IGSF11: variants seen among roughly 807,000 people sequenced by gnomAD.
IGSF11 encodes the protein immunoglobulin superfamily member 11, also known as CXADR like 1.
Under a neutral mutation model 41.0 loss-of-function variants are expected in IGSF11, and 22 were observed. The observed-to-expected ratio is 0.54, with a 90% confidence interval of 0.38 to 0.77. The LOEUF (loss-of-function observed/expected upper bound fraction) is 0.77. Among genes scored for constraint, IGSF11 ranks in the 30% least tolerant of loss-of-function variants. The probability of loss-of-function intolerance (pLI) is 0.00; values close to 1 mark genes in which losing one functional copy is unlikely to be tolerated. For synonymous variants in IGSF11, 219 were observed against 201.3 expected, an observed-to-expected ratio of 1.09 and a Z score of -0.74; for missense variants, 444 against 530.8, an observed-to-expected ratio of 0.84 and a Z score of 1.61.
chr3:119,067,997 T>C (rs1449932353), intron 1 of IGSF11, among the ~76,000 whole-genome samples: 7 of 152,366 alleles, frequency 4.6e-5, no homozygotes, highest in Admixed American at 2.0e-4. Context: ...ATATCCCTAG[T>C]AGATTCTAAT....
intron 1 of IGSF11, among the ~76,000 whole-genome samples, chr3:119,007,026 A>G: frequency 7.1e-6 from 1 of 140,616 alleles, no homozygotes; most frequent in African/African-American, 2.8e-5. Context: ...TGTTTACCTA[A>G]GCAAGCCTGG....
At chr3:118,941,730 A>G (rs1401744039) in intron 1 of IGSF11, among the ~76,000 whole-genome samples, 2 of 152,232 alleles carry the variant, frequency 1.3e-5, no homozygotes, top group East Asian at 1.9e-4. Flanking sequence ...ATGCCCATCA[A>G]CTTGCAAATG....
intron 1 of IGSF11, among the ~76,000 whole-genome samples, chr3:119,015,726 T>C (rs1938607354): frequency 6.6e-6 from 1 of 151,386 alleles, no homozygotes; most frequent in Non-Finnish European, 1.5e-5. Flanking sequence ...TAGATAAATA[T>C]TTACCAAATA....
intron 1 of IGSF11, among the ~76,000 whole-genome samples, chr3:119,103,284 G>A (rs1188823709): frequency 1.3e-5 from 2 of 152,046 alleles, no homozygotes; most frequent in African/African-American, 2.4e-5. Flanking sequence ...GGCGTGAGCC[G>A]CCGCGCCCGG....
chr3:118,932,028 T>C (rs7629089), intron 1 of IGSF11, among the ~76,000 whole-genome samples: 21,816 of 152,176 alleles, frequency 0.14, 2,245 homozygotes, highest in African/African-American at 0.27. Context: ...CCACCGCACC[T>C]GGCCAAAAGT....
intron 1 of IGSF11, among the ~76,000 whole-genome samples, chr3:118,937,818 T>C (rs543449802): frequency 3.7e-4 from 56 of 152,212 alleles, no homozygotes; most frequent in African/African-American, 1.3e-3. Context: ...GGCTGTAATA[T>C]GTAATTGTAT....
intron 1 of IGSF11, among the ~76,000 whole-genome samples, chr3:119,050,796 C>T (rs1049489619): frequency 6.6e-6 from 1 of 151,746 alleles, no homozygotes; most frequent in Non-Finnish European, 1.5e-5. Context: ...CACATATACA[C>T]CATGGAATAC....
At chr3:118,966,825 G>A (rs1023803923) in intron 1 of IGSF11, among the ~76,000 whole-genome samples, 43 of 152,064 alleles carry the variant, frequency 2.8e-4, no homozygotes, top group African/African-American at 8.9e-4. Flanking sequence ...GAATGTCCAC[G>A]TAGCTTAGCC....
intron 1 of IGSF11, among the ~76,000 whole-genome samples, chr3:119,075,946 T>C (rs1237944506): frequency 6.6e-6 from 1 of 152,162 alleles, no homozygotes; most frequent in African/African-American, 2.4e-5. Flanking sequence ...AGAGCCCTCA[T>C]TGACAAGTCA....
intron 1 of IGSF11, among the ~76,000 whole-genome samples, chr3:119,091,383 G>A (rs556374781): frequency 6.6e-6 from 1 of 152,242 alleles, no homozygotes; most frequent in South Asian, 2.1e-4. Context: ...AGATACTTCT[G>A]CCAAAAAGAC....
intron 1 of IGSF11, among the ~76,000 whole-genome samples, chr3:118,987,967 T>C (rs1168302484): frequency 6.6e-6 from 1 of 152,200 alleles, no homozygotes; most frequent in African/African-American, 2.4e-5. Context: ...AGTTCTGTAA[T>C]ATATTAATTG....
chr3:119,023,973 G>A (rs918888880), intron 1 of IGSF11, among the ~76,000 whole-genome samples: 14 of 152,110 alleles, frequency 9.2e-5, no homozygotes, highest in Non-Finnish European at 1.8e-4. Flanking sequence ...GAGATTTACC[G>A]AGCAGCTTCA....
chr3:119,082,585 C>T (rs577496771), intron 1 of IGSF11, among the ~76,000 whole-genome samples: 3 of 152,268 alleles, frequency 2.0e-5, no homozygotes, highest in Admixed American at 2.0e-4. Context: ...TATTCTTCCA[C>T]AGATAAATTA....
chr3:119,132,804 A>G (rs1380524950), intron 1 of IGSF11, among the ~76,000 whole-genome samples: 1 of 152,224 alleles, frequency 6.6e-6, no homozygotes, highest in African/African-American at 2.4e-5. Flanking sequence ...AAAATTGACC[A>G]CATACTTGGA....
intron 1 of IGSF11, among the ~76,000 whole-genome samples, chr3:119,028,902 T>C (rs1940089738): frequency 6.6e-6 from 1 of 152,112 alleles, no homozygotes; most frequent in African/African-American, 2.4e-5. Flanking sequence ...CCAACACCAA[T>C]TTCCTGGTTT....
intron 1 of IGSF11, among the ~76,000 whole-genome samples, chr3:119,023,070 TGGC>T (rs1939452494): frequency 3.3e-5 from 5 of 152,044 alleles, no homozygotes; most frequent in Admixed American, 3.3e-4. Context: ...GAGACCAGCC[TGGC>T]CAACATGGCG....
At chr3:118,954,245 T>C (rs772893886) in intron 1 of IGSF11, among the ~76,000 whole-genome samples, 1 of 152,186 alleles carries the variant, frequency 6.6e-6, no homozygotes, top group Non-Finnish European at 1.5e-5. Context: ...GGGTTCTCTA[T>C]TCTGTTTCAT....
At position 119,034,463 on chromosome 3, in the gene IGSF11, A is replaced by G. The variant is rs1347558024; in HGVS notation, c.52+68T>C. ...GCAAGGAGGCTCTTTGCCGTCCCCA[A>G]ACAGCTTCGCCCCGGGCCCGCCGAC... is the stretch of plus-strand genomic sequence containing the variant. On this transcript the variant is annotated intron_variant, in intron 1 of 6. Transcript: ENST00000393775. 5.0e-6 allele frequency: 7 copies of G among 1,394,602 alleles called. No homozygotes were observed. The Admixed American group carries it at 1.1e-4, about 22-fold the overall frequency. 86.4% of individuals were successfully genotyped at this position (1,394,602 alleles called of 1,614,324 possible).
At chr3:119,008,478 G>A (rs1937678412) in intron 1 of IGSF11, among the ~76,000 whole-genome samples, 1 of 152,152 alleles carries the variant, frequency 6.6e-6, no homozygotes, top group Admixed American at 6.5e-5. Flanking sequence ...AGAAACCTAG[G>A]GAGTATTCAG....
Sources: allele counts gnomAD v4.1 joint callset (sites outside exome capture counted in the v4.1 genomes callset), GRCh38; gene constraint gnomAD v4.1.1; transcripts MANE v1.5; gene names NCBI Gene and HGNC (gene_info 2026-07-23, HGNC 2026-07-21).